Variants in ANKRD30B observed in about 807,000 individuals in gnomAD.
The protein encoded by ANKRD30B is ankyrin repeat domain-containing protein 30B.
Under a neutral mutation model 202.2 loss-of-function variants are expected in ANKRD30B, and 144 were observed. That is an observed-to-expected ratio of 0.71 (90% confidence interval 0.62 to 0.82). ANKRD30B has a LOEUF of 0.82. ANKRD30B is among the 40% of genes least tolerant of loss of function. ANKRD30B has a pLI of 0.00. For synonymous variants in ANKRD30B, 508 were observed against 561.3 expected (o/e 0.91, Z 1.34); for missense variants, 1,487 against 1,669.1 (o/e 0.89, Z 1.90).
In ANKRD30B at chr18:14,795,046, A is replaced by C. The variant is rs1487730118; in HGVS notation, c.1826-1175A>C. On this transcript the variant is annotated intron_variant, in intron 16 of 43. Coordinates refer to ENST00000690538, the MANE Select transcript of ANKRD30B (RefSeq NM_001367607.2). Reference sequence around the variant, plus strand: ...CTCACATGGTATAACAAATAGAATTAGTTTTAGCAACAAAGCAATTGTAGA... The same window carrying C: ...CTCACATGGTATAACAAATAGAATTCGTTTTAGCAACAAAGCAATTGTAGA... Among the ~76,000 whole-genome samples the C allele has an allele frequency of 2.0e-5, 3 of 152,360 alleles. No individual in the cohort carries two copies. In the South Asian group the frequency reaches 6.2e-4, roughly 32 times the overall value.
the ANKRD30B span, among the ~76,000 whole-genome samples, chr18:14,934,252 GC>G: frequency 2.0e-5 from 3 of 152,262 alleles, no homozygotes; most frequent in Non-Finnish European, 4.4e-5. Flanking sequence ...GCAGGCAGGG[GC>G]CATGCATGGG....
At chr18:14,849,777 A>G (rs949028523) in intron 40 of ANKRD30B, among the ~76,000 whole-genome samples, 4 of 151,694 alleles carry the variant, frequency 2.6e-5, no homozygotes, top group African/African-American at 9.7e-5. Flanking sequence ...TATTTGCCAT[A>G]TTTTATAAGT....
In ANKRD30B at chr18:14,826,724, CACA is replaced by C. The variant is rs1434311762; in HGVS notation, c.2744-1552_2744-1550del. On this transcript the variant is annotated intron_variant, in intron 32 of 43. Coordinates refer to ENST00000690538, the MANE Select transcript of ANKRD30B (RefSeq NM_001367607.2). ...ACACACACACACACACACACACACA[CACA>C]AGTACAGTAATTCATCCTTATCCAA... Among the ~76,000 whole-genome samples the C allele has an allele frequency of 3.3e-5, 5 of 149,968 alleles. No individual in the cohort carries two copies. In the East Asian group the frequency reaches 9.7e-4, roughly 29 times the overall value.
chr18:14,932,640 C>T, the ANKRD30B span, among the ~76,000 whole-genome samples: 1 of 152,140 alleles, frequency 6.6e-6, no homozygotes, highest in Admixed American at 6.5e-5. Context: ...GCCGGCCTCC[C>T]CTATCTCTAT....
At chr18:14,880,631 T>C in the ANKRD30B span, among the ~76,000 whole-genome samples, 4 of 149,456 alleles carry the variant, frequency 2.7e-5, no homozygotes, top group South Asian at 2.1e-4. Flanking sequence ...AATGGTGTGA[T>C]CTTGGCTCAC....
Position 14,852,497 on chromosome 18 carries a change from A to AATATAT in ANKRD30B, c.4476+87_4476+92dup, listed in dbSNP as rs369000955. 5 of 1,415,918 alleles carry AATATAT rather than the reference A, an allele frequency of 3.5e-6. No homozygotes were observed. The African/African-American group carries it at 7.3e-5, about 21-fold the overall frequency. 87.7% of individuals were successfully genotyped at this position (1,415,918 alleles called of 1,614,324 possible). On this transcript the variant is annotated intron_variant, in intron 42 of 43. Coordinates refer to ENST00000690538, the MANE Select transcript of ANKRD30B (RefSeq NM_001367607.2). ...CTTGGCTAAATGCTGAATCTAGTTG[A>AATATAT]ATATATATATATATAAATAGATGAT...
chr18:14,924,552 T>C, the ANKRD30B span, among the ~76,000 whole-genome samples: 1 of 152,160 alleles, frequency 6.6e-6, no homozygotes, highest in Non-Finnish European at 1.5e-5. Context: ...GGAACTGGCA[T>C]GAGGCCCTAA....
rs147324582 is a variant in ANKRD30B, at chr18:14,807,843, G to A, written c.2285-708G>A. On this transcript the variant is annotated intron_variant, in intron 24 of 43. Transcript: ENST00000690538. ...CACGGCACCTGGACTGTATTAGTTTGTGGATGGGTGTGCTTTGACTTTTCT... is the reference window on the plus strand; with the variant it reads ...CACGGCACCTGGACTGTATTAGTTTATGGATGGGTGTGCTTTGACTTTTCT... Among the ~76,000 whole-genome samples the A allele has an allele frequency of 5.1e-4, 77 of 151,080 alleles. 2 individuals are homozygous for A. The East Asian group carries it at 0.014, about 27-fold the overall frequency.
the ANKRD30B span, among the ~76,000 whole-genome samples, chr18:14,931,772 CCT>C: frequency 6.6e-6 from 1 of 152,108 alleles, no homozygotes; most frequent in African/African-American, 2.4e-5. Flanking sequence ...CACCCTCCCT[CCT>C]CTCTCAATCC....
At chr18:14,835,889 A>C (rs1971153190) in intron 34 of ANKRD30B, among the ~76,000 whole-genome samples, 1 of 152,050 alleles carries the variant, frequency 6.6e-6, no homozygotes, top group Non-Finnish European at 1.5e-5. Context: ...CATTTTGCAG[A>C]ATCTTGTTTT....
downstream of ANKRD30B, among the ~76,000 whole-genome samples, chr18:14,858,828 T>G (rs1275630953): frequency 1.4e-5 from 1 of 70,036 alleles, no homozygotes; most frequent in Non-Finnish European, 2.7e-5. Flanking sequence ...TGCTCCTCAT[T>G]TCCCAGACGG....
chr18:14,830,786 A>G (rs1338399329), intron 33 of ANKRD30B, among the ~76,000 whole-genome samples: 1 of 152,228 alleles, frequency 6.6e-6, no homozygotes, highest in Non-Finnish European at 1.5e-5. Flanking sequence ...GGGTATGCCA[A>G]TTATATTGGC....
intron 39 of ANKRD30B, among the ~76,000 whole-genome samples, chr18:14,846,889 A>C (rs1971661150): frequency 6.6e-6 from 1 of 151,596 alleles, no homozygotes; most frequent in African/African-American, 2.4e-5. Flanking sequence ...GCCTTTGAGC[A>C]GAGGTTTTTA....
chr18:14,836,772 T>C (rs563100785), intron 34 of ANKRD30B, among the ~76,000 whole-genome samples: 165 of 152,108 alleles, frequency 1.1e-3, no homozygotes, highest in Middle Eastern at 3.4e-3. Flanking sequence ...TCAGTGGCCA[T>C]GTTGTTTCAT....
chr18:14,864,619 C>G, the ANKRD30B span, among the ~76,000 whole-genome samples: 1 of 151,596 alleles, frequency 6.6e-6, no homozygotes, highest in East Asian at 1.9e-4. Flanking sequence ...TCCCCAACGT[C>G]TTTTCTCCCT....
intron 9 of ANKRD30B, among the ~76,000 whole-genome samples, chr18:14,777,116 A>G (rs1330139873): frequency 2.0e-5 from 3 of 152,156 alleles, no homozygotes; most frequent in Non-Finnish European, 2.9e-5. Flanking sequence ...TATGTACACG[A>G]GTGAATTTTT....
At chr18:14,913,716 C>G in the ANKRD30B span, among the ~76,000 whole-genome samples, 1 of 152,220 alleles carries the variant, frequency 6.6e-6, no homozygotes. Flanking sequence ...ATGGGCCTGT[C>G]TGGGGTCACT....
intron 10 of ANKRD30B, 151 bp from the exon 11 acceptor site, chr18:14,779,809 T>C: frequency 1.9e-6 from 1 of 514,592 alleles, no homozygotes; most frequent in South Asian, 3.6e-5. Flanking sequence ...TTCTAACCAA[T>C]TGACTATAGA....
In ANKRD30B at chr18:14,800,280, T is replaced by C. The variant is rs951435532; in HGVS notation, c.2131+985T>C. On this transcript the variant is annotated intron_variant, in intron 22 of 43. Transcript: ENST00000690538. ...ATATGTGTGTGGTTCTGACTATGTG[T>C]AGAATTTGTTTTGACGTCTTAAATT... Among the ~76,000 whole-genome samples, 15 of 150,142 alleles carry C rather than the reference T, an allele frequency of 1.0e-4. 1 individual carries two copies. Among genetic ancestry groups the C allele is most frequent in the African/African-American group, 3.3e-4 (13 of 39,782 alleles).
Sources: gnomAD v4.1 joint callset for allele counts (sites outside exome capture counted in the v4.1 genomes callset) on GRCh38, gnomAD v4.1.1 for gene constraint, MANE v1.5 for transcripts, NCBI Gene and HGNC (gene_info 2026-07-23, HGNC 2026-07-21) for gene names.